The following RASAL3 variants were observed in gnomAD, a reference collection of about 807,000 sequenced individuals.
RASAL3 encodes RAS protein activator like-3.
RASAL3 carries 74 observed loss-of-function variants against 105.5 expected under a neutral mutation model. That is an observed-to-expected ratio of 0.70 (90% confidence interval 0.58 to 0.85). RASAL3 has a LOEUF of 0.85. Ranked by LOEUF, RASAL3 falls within the 40% of genes least tolerant of loss-of-function variation. The pLI, the probability that RASAL3 is intolerant of heterozygous loss-of-function variation, is 0.00. For missense variants in RASAL3, 1,352 were observed against 1,392.0 expected, an observed-to-expected ratio of 0.97 and a Z score of 0.46; for synonymous variants, 579 against 591.6, an observed-to-expected ratio of 0.98 and a Z score of 0.31.
chr19:15,456,364 C>T lies in RASAL3; in HGVS notation c.1577-116G>A. On this transcript the variant is annotated intron_variant, in intron 10 of 17. Transcript: ENST00000343625. The surrounding 1 kb of genome is among the most constrained non-coding windows in gnomAD (Gnocchi z 4.4). ...GAGGCACCCAACATCTTGGGGAGCTCCCAATTGTCCCCAGGATCCTAGCAC... is the reference window on the plus strand; with the variant it reads ...GAGGCACCCAACATCTTGGGGAGCTTCCAATTGTCCCCAGGATCCTAGCAC... The T allele has an allele frequency of 1.3e-6, 2 of 1,518,758 alleles. No individual in the cohort carries two copies. The highest frequency in any genetic ancestry group is 1.8e-6 in the Non-Finnish European group (2 of 1,123,592). The allele number at this position is 1,518,758 out of a possible 1,614,324, so 94.1% of individuals were successfully genotyped here. A position where few individuals can be genotyped will look rare whatever the true frequency, so the allele number is the denominator to read the frequency against.
At chr19:15,455,316 C>G (rs962026578) in intron 11 of RASAL3, among the ~76,000 whole-genome samples, 6 of 152,188 alleles carry the variant, frequency 3.9e-5, no homozygotes, top group African/African-American at 1.4e-4. Flanking sequence ...TGATTGAAGT[C>G]AGGGATTAGG....
At chr19:15,452,264 C>T in intron 16 of RASAL3, 156 bp from the exon 17 acceptor site, 1 of 711,288 alleles carries the variant, frequency 1.4e-6, no homozygotes, top group Non-Finnish European at 2.5e-6. Flanking sequence ...GAAGAAGGGT[C>T]GGACCAGAGA....
intron 16 of RASAL3, 117 bp from the exon 17 acceptor site, chr19:15,452,225 A>G (rs1228863945): frequency 2.0e-6 from 2 of 977,006 alleles, no homozygotes; most frequent in Non-Finnish European, 3.3e-6. Context: ...GAGCTTGTCC[A>G]GACTGAGGGG....
At chr19:15,460,934 G>T (rs540186405) in intron 5 of RASAL3, 126 bp downstream of exon 5, 1 of 800,336 alleles carries the variant, frequency 1.2e-6, no homozygotes, top group South Asian at 1.5e-5. Flanking sequence ...TGACAGACTG[G>T]GACTCTGAGG....
In RASAL3 at chr19:15,453,236, C is replaced by T. The variant is rs1970214085; in HGVS notation, c.2541G>A (p.Ala847=). The T allele has an allele frequency of 1.3e-6, 2 of 1,595,616 alleles. No individual in the cohort carries two copies. The highest frequency in any genetic ancestry group is 2.3e-5 in the East Asian group (1 of 43,980). ...CCCGGGTCCAAGGCCGGGCGCGGGG[C>T]GCTGGTCCCATGCTCAGGGAGCCTT... The part of the protein sequence containing the change: ...RPKGSLSMGP[A]PRARPWTRDS... Residue 847 remains alanine, a synonymous_variant, in exon 15 of 18, where the codon GCG becomes GCA. Coordinates refer to ENST00000343625, the MANE Select transcript of RASAL3 (RefSeq NM_022904.3). The surrounding 1 kb of genome is among the most constrained non-coding windows in gnomAD (Gnocchi z 4.2).
Position 15,456,702 on chromosome 19 carries a change from C to A in RASAL3, c.1432-56G>T. On this transcript the variant is annotated intron_variant, in intron 9 of 17. Coordinates refer to ENST00000343625, the MANE Select transcript of RASAL3 (RefSeq NM_022904.3). The surrounding 1 kb of genome is among the most constrained non-coding windows in gnomAD (Gnocchi z 4.4). The stretch of plus-strand genomic sequence containing the variant: ...GATGCAGACAGAGTCCAAGGGAATT[C>A]GGATCCTTGGCTGGTCCCTCACACC... 4 of 1,574,354 alleles carry A rather than the reference C, an allele frequency of 2.5e-6. No homozygotes were observed. Among genetic ancestry groups the A allele is most frequent in the Middle Eastern group, 1.7e-4 (1 of 5,828 alleles).
intron 16 of RASAL3, 49 bp from the exon 17 acceptor site, chr19:15,452,157 C>T (rs760428338): frequency 6.3e-7 from 1 of 1,598,016 alleles, no homozygotes; most frequent in East Asian, 2.2e-5. Context: ...AAGGAAGTCC[C>T]TTCCAGCTCC....
chr19:15,453,486 C>G lies in RASAL3; in HGVS notation c.2291G>C (p.Gly764Ala), dbSNP rs770135771. ...GGGGGCCAGGAAGCCGGGCTTCTCC[C>G]CTGCGGAGAGGCTAGGGGTGGGATG... Reference protein sequence around the residue: ...PAQVHSSLSAGEKPGFLAPRD... With the variant: ...PAQVHSSLSAAEKPGFLAPRD... The change falls in exon 15 of 18, where the codon GGG (glycine) becomes GCG (alanine). Residue 764 changes from glycine (G) to alanine (A), a missense_variant. Transcript: ENST00000343625. The surrounding 1 kb of genome is among the most constrained non-coding windows in gnomAD (Gnocchi z 4.2). 2.6e-6 allele frequency: 4 copies of G among 1,532,350 alleles called. No individual in the cohort carries two copies. Among genetic ancestry groups the G allele is most frequent in the South Asian group, 2.5e-5 (2 of 80,498 alleles). The allele number at this position is 1,532,350 out of a possible 1,614,324, so 94.9% of individuals were successfully genotyped here. A position where few individuals can be genotyped will look rare whatever the true frequency, so the allele number is the denominator to read the frequency against.
Position 15,456,004 on chromosome 19 carries a change from A to G in RASAL3, c.1721+100T>C. 7.4e-7 allele frequency: 1 copy of G among 1,352,812 alleles called. No individual in the cohort carries two copies. The allele number at this position is 1,352,812 out of a possible 1,614,324, so 83.8% of individuals were successfully genotyped here. The stretch of plus-strand genomic sequence containing the variant: ...GGTCCCAATTATTGCATCAAATTTA[A>G]CTGAGTGTCTCCTGTATTTTATCTG... On this transcript the variant is annotated intron_variant, in intron 11 of 17. Coordinates refer to ENST00000343625, the MANE Select transcript of RASAL3 (RefSeq NM_022904.3). The surrounding 1 kb of genome is among the most constrained non-coding windows in gnomAD (Gnocchi z 4.4).
At chr19:15,452,880 G>C (rs1970203233) in intron 15 of RASAL3, 65 bp from the exon 16 acceptor site, 2 of 1,479,838 alleles carry the variant, frequency 1.4e-6, no homozygotes. Context: ...CGGAGACCCT[G>C]ACCTCCCAGG....
intron 11 of RASAL3, among the ~76,000 whole-genome samples, 158 bp downstream of exon 11, chr19:15,455,945 CT>C (rs1970301138): frequency 6.6e-6 from 1 of 152,144 alleles, no homozygotes; most frequent in Non-Finnish European, 1.5e-5. Context: ...GTCACCATGC[CT>C]GGTTCAAATG....
intron 6 of RASAL3, among the ~76,000 whole-genome samples, chr19:15,459,588 A>G (rs369550502): frequency 6.0e-4 from 91 of 151,940 alleles, no homozygotes; most frequent in African/African-American, 2.1e-3. Context: ...CCCAGGCTGG[A>G]GTGCAGTGGC....
At position 15,454,436 on chromosome 19, in the gene RASAL3, C is replaced by T. The variant is rs1249709637; in HGVS notation, c.2085G>A (p.Gln695=). The change falls in exon 13 of 18, where the codon CAG becomes CAA. Residue 695 remains glutamine, a synonymous_variant. Transcript: ENST00000343625. ...VDVDAAPSGY[Q]GSGDLALQLA... ...ACTGGAGGGCCAGATCACCACTGCC[C>T]TGGTAACCACTGGGGGCAGCATCCA... 2 of 1,614,018 alleles carry T rather than the reference C, an allele frequency of 1.2e-6. No individual in the cohort carries two copies. Among genetic ancestry groups the T allele is most frequent in the South Asian group, 1.1e-5 (1 of 91,084 alleles).
At chr19:15,452,995 T>A in intron 15 of RASAL3, 112 bp downstream of exon 15, 1 of 1,517,998 alleles carries the variant, frequency 6.6e-7, no homozygotes, top group Non-Finnish European at 8.9e-7. Context: ...AGGCCTGGGG[T>A]CACACAGCAC....
chr19:15,464,361 T>C lies in RASAL3; in HGVS notation c.-3A>G. ...CGGCTTGGCGACGGTGGGTCCATGGTTGGGGGGGGGGGTCTCCTGGGGGAC... is the reference window on the plus strand; with the variant it reads ...CGGCTTGGCGACGGTGGGTCCATGGCTGGGGGGGGGGGTCTCCTGGGGGAC... On this transcript the variant is annotated 5_prime_UTR_variant, in exon 2 of 18. Transcript: ENST00000343625. 1 of 481,878 alleles carries C rather than the reference T, an allele frequency of 2.1e-6. No homozygotes were observed. Among genetic ancestry groups the C allele is most frequent in the Non-Finnish European group, 3.1e-6 (1 of 321,950 alleles). 29.9% of individuals were successfully genotyped at this position (481,878 alleles called of 1,614,324 possible).
chr19:15,456,145 G>C lies in RASAL3; in HGVS notation c.1680C>G (p.Asn560Lys). Residue 560 changes from asparagine (N) to lysine (K), a missense_variant, in exon 11 of 18, where the codon AAC (asparagine) becomes AAG (lysine). Physicochemically the swap from Asn to Lys is moderately conservative, Grantham distance 94. Around this residue, in one of 3 missense-constraint regions of RASAL3, gnomAD observed 920 missense variants for 919.6 expected, o/e 1.00. Transcript: ENST00000343625. The surrounding 1 kb of genome is among the most constrained non-coding windows in gnomAD (Gnocchi z 4.4). Reference sequence around the variant, plus strand: ...TGGTTTCGAAGACCTCCTCGCAGCTGTTCCGAAGTCTGGCCTGGTGCTCTG... The same window carrying C: ...TGGTTTCGAAGACCTCCTCGCAGCTCTTCCGAAGTCTGGCCTGGTGCTCTG... Reference protein sequence around the residue: ...ELPEHQARLRNSCEEVFETII... With the variant: ...ELPEHQARLRKSCEEVFETII... 1.2e-6 allele frequency: 2 copies of C among 1,613,892 alleles called. No homozygotes were observed. Among genetic ancestry groups the C allele is most frequent in the Non-Finnish European group, 1.7e-6 (2 of 1,179,836 alleles).
intron 3 of RASAL3, 72 bp downstream of exon 3, chr19:15,461,399 G>T: frequency 6.6e-7 from 1 of 1,525,942 alleles, no homozygotes; most frequent in South Asian, 1.2e-5. Flanking sequence ...CCTCCCTCCA[G>T]CCCCTGCCTC....
chr19:15,457,460 C>T lies in RASAL3; in HGVS notation c.1263G>A (p.Ala421=), dbSNP rs1970360984. The T allele has an allele frequency of 1.5e-6, 2 of 1,372,718 alleles. No homozygotes were observed. The highest frequency in any genetic ancestry group is 1.6e-5 in the African/African-American group (1 of 63,888). 85.0% of individuals were successfully genotyped at this position (1,372,718 alleles called of 1,614,324 possible). A position where few individuals can be genotyped will look rare whatever the true frequency, so the allele number is the denominator to read the frequency against. Reference sequence around the variant, plus strand: ...CGGACGGCAGCACGCGCAGGCGACGCGCCCGAATCCGCGCCCGCAGCGCTG... The same window carrying T: ...CGGACGGCAGCACGCGCAGGCGACGTGCCCGAATCCGCGCCCGCAGCGCTG... ...AGAALRARIR[A]RRLRVLPSER... is the part of the protein sequence containing the mutation. Residue 421 remains alanine (A), a synonymous_variant, in exon 9 of 18, where the codon GCG becomes GCA. Coordinates refer to ENST00000343625, the MANE Select transcript of RASAL3 (RefSeq NM_022904.3). This position sits in a 1 kb window ranked among gnomAD's most constrained non-coding sequence, Gnocchi z 8.6.
In RASAL3 at chr19:15,464,054, G is replaced by A. The variant is rs2145498106; in HGVS notation, c.305C>T (p.Pro102Leu). The change falls in exon 2 of 18, where the codon CCG (proline) becomes CTG (leucine). Residue 102 changes from proline to leucine, a missense_variant. Around this residue, in one of 3 missense-constraint regions of RASAL3, gnomAD observed 344 missense variants for 339.6 expected, o/e 1.01. Coordinates refer to ENST00000343625, the MANE Select transcript of RASAL3 (RefSeq NM_022904.3). ...ACCTGGGGCCTCCTGCTCCGGCTCC[G>A]GGTCTGGCTCCGGCGGTGGGTTCTT... Reference protein sequence around the residue: ...RHKNPPPEPDPEPEQEAPELE... With the variant: ...RHKNPPPEPDLEPEQEAPELE... 1.3e-6 allele frequency: 2 copies of A among 1,575,814 alleles called. No individual in the cohort carries two copies. The highest frequency in any genetic ancestry group is 1.7e-6 in the Non-Finnish European group (2 of 1,158,354).
Sources: allele counts gnomAD v4.1 joint callset (sites outside exome capture counted in the v4.1 genomes callset), GRCh38; gene constraint gnomAD v4.1.1; regional missense constraint gnomAD v4.1.1; non-coding constraint Gnocchi (gnomAD v3.1); transcripts MANE v1.5; gene names NCBI Gene and HGNC (gene_info 2026-07-23, HGNC 2026-07-21).